EEIG1: variants seen among roughly 807,000 people sequenced by gnomAD.
EEIG1 encodes early estrogen-induced gene 1 protein.
At chr9:127,976,853 G>A in the EEIG1 span, among the ~76,000 whole-genome samples, 1 of 152,204 alleles carries the variant, frequency 6.6e-6, no homozygotes, top group South Asian at 2.1e-4. This position sits in a 1 kb window ranked among gnomAD's most constrained non-coding sequence, Gnocchi z 4.1. Context: ...GGTTCCTGGG[G>A]GTGGGGGAAA....
At chr9:127,948,949 C>T in the EEIG1 span, among the ~76,000 whole-genome samples, 2 of 152,178 alleles carry the variant, frequency 1.3e-5, no homozygotes, top group African/African-American at 2.4e-5. Context: ...GATGGAGTGA[C>T]AGGCAGAGAT....
At chr9:127,950,749 C>T in the EEIG1 span, 1 of 1,369,680 alleles carries the variant, frequency 7.3e-7, no homozygotes, top group South Asian at 1.6e-5. Flanking sequence ...CAGGAACTCA[C>T]ATCCCTGAGC....
the EEIG1 span, among the ~76,000 whole-genome samples, chr9:127,968,880 C>G: frequency 0.022 from 3,301 of 152,294 alleles, 51 homozygotes; most frequent in Middle Eastern, 0.061. Context: ...CTGGTCTCCA[C>G]CTCCTCCCCA....
chr9:127,945,728 G>A, the EEIG1 span: 1 of 1,577,624 alleles, frequency 6.3e-7, no homozygotes. The surrounding 1 kb of genome is among the most constrained non-coding windows in gnomAD (Gnocchi z 6.5). Flanking sequence ...GGCTGGACAG[G>A]TTCTGGTCGG....
the EEIG1 span, among the ~76,000 whole-genome samples, chr9:127,972,228 G>A: frequency 6.6e-6 from 1 of 152,106 alleles, no homozygotes; most frequent in South Asian, 2.1e-4. This position sits in a 1 kb window ranked among gnomAD's most constrained non-coding sequence, Gnocchi z 4.3. Context: ...GCAAGTTCAA[G>A]CCAACAAGGG....
the EEIG1 span, chr9:127,940,826 T>TA: frequency 2.0e-5 from 3 of 150,982 alleles, no homozygotes; most frequent in Non-Finnish European, 4.4e-5. Context: ...TCCATCCTGA[T>TA]AGACATGCCA....
chr9:127,974,649 C>T, the EEIG1 span, among the ~76,000 whole-genome samples: 1 of 152,204 alleles, frequency 6.6e-6, no homozygotes, highest in Non-Finnish European at 1.5e-5. Context: ...AATGCCTCCC[C>T]AGCTGCCTGC....
At chr9:127,948,206 A>G in the EEIG1 span, 1 of 1,613,998 alleles carries the variant, frequency 6.2e-7, no homozygotes, top group Non-Finnish European at 8.5e-7. Context: ...ATGGAGATGG[A>G]CTTGGCAGTC....
the EEIG1 span, chr9:127,972,732 G>C: frequency 1.3e-5 from 2 of 152,340 alleles, no homozygotes. The surrounding 1 kb of genome is among the most constrained non-coding windows in gnomAD (Gnocchi z 4.3). Flanking sequence ...CAAATCAGCT[G>C]GCTGGCAGGA....
chr9:127,941,566 G>C, the EEIG1 span: 1 of 55,730 alleles, frequency 1.8e-5, no homozygotes, highest in Non-Finnish European at 4.9e-5. Flanking sequence ...TAAGGGTTAG[G>C]TGAGTAAAAC....
At chr9:127,966,085 G>A in the EEIG1 span, among the ~76,000 whole-genome samples, 1 of 152,196 alleles carries the variant, frequency 6.6e-6, no homozygotes, top group Non-Finnish European at 1.5e-5. Context: ...AGGGAGGCTG[G>A]CATCATAAGT....
chr9:127,945,832 C>G, the EEIG1 span: 3 of 932,482 alleles, frequency 3.2e-6, no homozygotes, highest in Non-Finnish European at 5.0e-6. The surrounding 1 kb of genome is among the most constrained non-coding windows in gnomAD (Gnocchi z 6.5). Flanking sequence ...ACAACGTGCC[C>G]TCACAGAGCC....
chr9:127,968,519 G>C, the EEIG1 span, among the ~76,000 whole-genome samples: 1 of 152,132 alleles, frequency 6.6e-6, no homozygotes, highest in African/African-American at 2.4e-5. Flanking sequence ...ACTAACTAAT[G>C]ACTAAATGAG....
chr9:127,955,370 T>G, the EEIG1 span, among the ~76,000 whole-genome samples: 8 of 152,182 alleles, frequency 5.3e-5, no homozygotes, highest in Admixed American at 5.2e-4. Context: ...ATATCCCCAG[T>G]GATTGGCAAA....
chr9:127,976,420 C>A, the EEIG1 span, among the ~76,000 whole-genome samples: 2 of 152,226 alleles, frequency 1.3e-5, no homozygotes, highest in Non-Finnish European at 1.5e-5. This position sits in a 1 kb window ranked among gnomAD's most constrained non-coding sequence, Gnocchi z 4.1. Flanking sequence ...CAATCAAGGG[C>A]GCTTTATAGA....
At chr9:127,949,072 T>C in the EEIG1 span, among the ~76,000 whole-genome samples, 1 of 151,622 alleles carries the variant, frequency 6.6e-6, no homozygotes. Context: ...TCCCAGCACT[T>C]TGGGAGGCCA....
the EEIG1 span, among the ~76,000 whole-genome samples, chr9:127,965,556 T>C: frequency 6.6e-6 from 1 of 152,130 alleles, no homozygotes; most frequent in African/African-American, 2.4e-5. Context: ...CTTAAGTCCC[T>C]TGCCTGCCAT....
At chr9:127,952,105 G>A in the EEIG1 span, among the ~76,000 whole-genome samples, 6,336 of 152,350 alleles carry the variant, frequency 0.042, 156 homozygotes, top group Middle Eastern at 0.075. Context: ...GTGTTTGCTG[G>A]TAATTCCTTT....
At chr9:127,980,863 G>A in the EEIG1 span, among the ~76,000 whole-genome samples, 2 of 149,118 alleles carry the variant, frequency 1.3e-5, no homozygotes, top group African/African-American at 4.9e-5. Flanking sequence ...CCCCGGCGGA[G>A]CTGAGGCGCC....
Sources: gnomAD v4.1 joint callset for allele counts (sites outside exome capture counted in the v4.1 genomes callset) on GRCh38, gnomAD v4.1.1 for gene constraint, Gnocchi (gnomAD v3.1) non-coding constraint, MANE v1.5 for transcripts, NCBI Gene and HGNC (gene_info 2026-07-23, HGNC 2026-07-21) for gene names.